The following RPS6KA2 variants were observed in gnomAD, a reference collection of about 807,000 sequenced individuals.
RPS6KA2 encodes the protein ribosomal protein S6 kinase alpha-2.
In RPS6KA2, 42 loss-of-function variants were observed where a neutral mutation model predicts 91.8. The observed-to-expected ratio is 0.46, with a 90% CI of 0.36 to 0.59. RPS6KA2 has a LOEUF of 0.59. RPS6KA2 is among the 20% of genes least tolerant of loss of function. The pLI is 0.00. For synonymous variants in RPS6KA2, 414 were observed against 393.6 expected (o/e 1.05, Z -0.61); for missense variants, 798 against 978.5 (o/e 0.82, Z 2.46).
intron 2 of RPS6KA2, among the ~76,000 whole-genome samples, chr6:166,799,518 G>T (rs1779308235): frequency 1.3e-5 from 2 of 151,308 alleles, no homozygotes; most frequent in Non-Finnish European, 2.9e-5. Context: ...GGAGTAGTTA[G>T]AATGGAAATT....
chr6:166,687,314 C>T (rs1480873338), intron 2 of RPS6KA2, among the ~76,000 whole-genome samples: 4 of 152,214 alleles, frequency 2.6e-5, no homozygotes, highest in Non-Finnish European at 5.9e-5. Flanking sequence ...GAGGAACACA[C>T]AGCTGTAGTC....
chr6:166,686,374 G>C (rs546644216), intron 2 of RPS6KA2, among the ~76,000 whole-genome samples: 1 of 152,292 alleles, frequency 6.6e-6, no homozygotes, highest in East Asian at 1.9e-4. Context: ...CAACTTTTCT[G>C]CTTTTTTGTA....
At chr6:166,550,958 G>A (rs866088130) in intron 1 of RPS6KA2, among the ~76,000 whole-genome samples, 2 of 132,338 alleles carry the variant, frequency 1.5e-5, no homozygotes, top group Non-Finnish European at 3.1e-5. Context: ...CCGAGATCAC[G>A]ACACTCCAGC....
intron 2 of RPS6KA2, chr6:166,701,643 G>C (rs1034335548): frequency 5.1e-5 from 66 of 1,293,314 alleles, no homozygotes; most frequent in Admixed American, 4.4e-4. Flanking sequence ...ACTGCGGGGA[G>C]GGAGGAGTCA....
At chr6:166,839,800 G>A (rs891668640) in intron 2 of RPS6KA2, among the ~76,000 whole-genome samples, 7 of 150,016 alleles carry the variant, frequency 4.7e-5, no homozygotes, top group Non-Finnish European at 8.9e-5. Context: ...GTTCTCCCTT[G>A]GGCTTCCACA....
chr6:166,620,975 A>G (rs1159072200), intron 1 of RPS6KA2, among the ~76,000 whole-genome samples: 1 of 152,150 alleles, frequency 6.6e-6, no homozygotes, highest in Non-Finnish European at 1.5e-5. Flanking sequence ...AAACAGGGAC[A>G]CCACCTGCTC....
chr6:166,855,233 T>G (rs954962671), intron 2 of RPS6KA2, among the ~76,000 whole-genome samples: 2 of 152,168 alleles, frequency 1.3e-5, no homozygotes, highest in East Asian at 3.9e-4. Flanking sequence ...GGTTCTGTGG[T>G]CACTGTTCTG....
At chr6:166,765,511 C>G (rs1250238743) in intron 2 of RPS6KA2, among the ~76,000 whole-genome samples, 13 of 152,058 alleles carry the variant, frequency 8.5e-5, no homozygotes, top group Admixed American at 8.5e-4. Flanking sequence ...CATAGAGGCT[C>G]AATAAATCCT....
At chr6:166,461,587 G>A in intron 11 of RPS6KA2, among the ~76,000 whole-genome samples, 1 of 136,156 alleles carries the variant, frequency 7.3e-6, no homozygotes, top group East Asian at 2.5e-4. Flanking sequence ...AGAAATGGGG[G>A]AGGGGGAGGG....
intron 2 of RPS6KA2, among the ~76,000 whole-genome samples, chr6:166,643,463 T>C (rs1259294664): frequency 1.3e-5 from 2 of 152,180 alleles, no homozygotes; most frequent in African/African-American, 4.8e-5. Context: ...TTCATAGATA[T>C]AGAAAAAGCA....
At position 166,449,000 on chromosome 6, in the gene RPS6KA2, G is replaced by T. The variant is rs917907665; in HGVS notation, c.1207-151C>A. 16 of 814,478 alleles carry T rather than the reference G, an allele frequency of 2.0e-5. No individual in the cohort carries two copies. Among genetic ancestry groups the T allele is most frequent in the Middle Eastern group, 3.3e-4 (1 of 2,996 alleles). The allele number at this position is 814,478 out of a possible 1,614,324, so 50.5% of individuals were successfully genotyped here. On this transcript the variant is annotated intron_variant, in intron 13 of 20. Transcript: ENST00000265678. This position sits in a 1 kb window ranked among gnomAD's most constrained non-coding sequence, Gnocchi z 4.7. The stretch of plus-strand genomic sequence containing the variant: ...GAGCTCATGGGTCCCCCTGCCCAAG[G>T]CTGCAGAGCTACTTAGTGATGTTCT...
intron 3 of RPS6KA2, among the ~76,000 whole-genome samples, chr6:166,529,249 G>T (rs538275556): frequency 1.3e-3 from 202 of 152,314 alleles, no homozygotes; most frequent in Non-Finnish European, 2.3e-3. Flanking sequence ...CCATAAAAAA[G>T]GATGAGTTCA....
intron 2 of RPS6KA2, among the ~76,000 whole-genome samples, chr6:166,654,950 T>TA (rs1169131908): frequency 2.9e-5 from 4 of 138,684 alleles, no homozygotes; most frequent in Admixed American, 1.5e-4. Context: ...TTAGCACTTA[T>TA]AAAAAATGTA....
intron 2 of RPS6KA2, among the ~76,000 whole-genome samples, chr6:166,679,297 A>G (rs1562378330): frequency 6.6e-6 from 1 of 151,756 alleles, no homozygotes; most frequent in East Asian, 1.9e-4. Flanking sequence ...CTCTTTAAAA[A>G]AAAAAAAAAT....
chr6:166,699,550 A>G (rs549681691), intron 2 of RPS6KA2, among the ~76,000 whole-genome samples: 3 of 152,318 alleles, frequency 2.0e-5, no homozygotes, highest in Admixed American at 6.5e-5. Context: ...GATATATACA[A>G]GTCTTTAGAT....
intron 17 of RPS6KA2, among the ~76,000 whole-genome samples, chr6:166,422,175 C>T (rs542680569): frequency 2.0e-5 from 3 of 152,200 alleles, no homozygotes; most frequent in African/African-American, 4.8e-5. Context: ...GCTGGGATTA[C>T]AGGCGTGAGC....
intron 11 of RPS6KA2, 149 bp downstream of exon 11, chr6:166,469,692 G>C (rs558135780): frequency 6.7e-6 from 5 of 747,022 alleles, no homozygotes; most frequent in Non-Finnish European, 9.6e-6. Flanking sequence ...AGGGTCCTGG[G>C]GGCTCCCTGC....
chr6:166,702,876 A>C, intron 2 of RPS6KA2: 2 of 870,900 alleles, frequency 2.3e-6, no homozygotes, highest in Non-Finnish European at 3.7e-6. Context: ...TTAATGAGAA[A>C]AACGAAAATT....
At chr6:166,754,098 C>T (rs536046189) in intron 2 of RPS6KA2, among the ~76,000 whole-genome samples, 171 of 152,288 alleles carry the variant, frequency 1.1e-3, no homozygotes, top group African/African-American at 3.8e-3. Flanking sequence ...TGCCTAGGAC[C>T]GCCTCAGTGC....
Sources: allele counts gnomAD v4.1 joint callset (sites outside exome capture counted in the v4.1 genomes callset), GRCh38; gene constraint gnomAD v4.1.1; non-coding constraint Gnocchi (gnomAD v3.1); transcripts MANE v1.5; gene names NCBI Gene and HGNC (gene_info 2026-07-23, HGNC 2026-07-21).